Variants in KCNMB3 observed in about 807,000 individuals in gnomAD.
KCNMB3 encodes the protein calcium-activated potassium channel subunit beta-3.
KCNMB3 carries 18 observed loss-of-function variants against 11.9 expected under a neutral mutation model. The observed-to-expected ratio is 1.51, with a 90% CI of 1.04 to 2.23. KCNMB3 has a LOEUF of 2.23. KCNMB3 is among the 30% of genes most tolerant of loss of function. The pLI is 0.00. For missense variants in KCNMB3, 247 were observed against 329.4 expected (o/e 0.75, Z 1.94); for synonymous variants, 78 against 119.2 (o/e 0.65, Z 2.25).
upstream of KCNMB3, chr3:179,251,454 G>T: frequency 7.1e-7 from 1 of 1,406,916 alleles, no homozygotes; most frequent in South Asian, 1.7e-5. Context: ...AGTCCACTCA[G>T]AATTATGAAG....
At chr3:179,253,607 ACCAG>A (rs1297000545), upstream of KCNMB3, among the ~76,000 whole-genome samples, 1 of 152,122 alleles carries the variant, frequency 6.6e-6, no homozygotes, top group Non-Finnish European at 1.5e-5. Context: ...GGAGTTTGAG[ACCAG>A]CCTGACCAAC....
chr3:179,261,940 C>T (rs1379503500), intron 1 of KCNMB3, among the ~76,000 whole-genome samples: 2 of 152,090 alleles, frequency 1.3e-5, no homozygotes, highest in South Asian at 2.1e-4. Flanking sequence ...AAAAAGCAAA[C>T]ATGAATGTTA....
intron 1 of KCNMB3, 133 bp from the exon 2 acceptor site, chr3:179,244,826 G>T: frequency 1.3e-6 from 1 of 755,736 alleles, no homozygotes; most frequent in Non-Finnish European, 2.2e-6. Context: ...TTGAGGTGGT[G>T]CAGGATCCTT....
At chr3:179,261,208 C>A in intron 1 of KCNMB3, 1 of 1,364,944 alleles carries the variant, frequency 7.3e-7, no homozygotes, top group Non-Finnish European at 9.8e-7. Context: ...GGGCCTCCGC[C>A]AGCCTCTGCG....
intron 1 of KCNMB3, among the ~76,000 whole-genome samples, chr3:179,265,873 G>A (rs1268628012): frequency 6.6e-6 from 1 of 152,228 alleles, no homozygotes; most frequent in East Asian, 1.9e-4. Context: ...AAGGGGTGCA[G>A]GTCACTAGAG....
At chr3:179,240,230 T>A (rs1018355950), downstream of KCNMB3, 8 of 536,884 alleles carry the variant, frequency 1.5e-5, no homozygotes, top group Non-Finnish European at 2.6e-5. Context: ...TTTTCAGTAA[T>A]GACTAAGAAT....
At position 179,244,709 on chromosome 3, in the gene KCNMB3, A is replaced by C; in HGVS notation, c.249-16T>G. 6.2e-7 allele frequency: 1 copy of C among 1,607,830 alleles called. No homozygotes were observed. Among genetic ancestry groups the C allele is most frequent in the South Asian group, 1.1e-5 (1 of 90,848 alleles). On this transcript the variant is annotated splice_polypyrimidine_tract_variant and intron_variant, in intron 1 of 2. Transcript: ENST00000392685. ...TCTCTGAATGCTTCAATTTGAAAAA[A>C]AAAAAATGTTCTTCACTTATTAGAA...
chr3:179,241,942 A>T (rs1281588180), downstream of KCNMB3: 1 of 154,208 alleles, frequency 6.5e-6, no homozygotes, highest in African/African-American at 2.4e-5. Flanking sequence ...TTCCCACCAG[A>T]AAGTGCACAA....
intron 1 of KCNMB3, among the ~76,000 whole-genome samples, chr3:179,245,166 CCTCA>C (rs1339512736): frequency 1.3e-5 from 2 of 152,094 alleles, no homozygotes; most frequent in African/African-American, 4.8e-5. Flanking sequence ...CAAGATTCAC[CCTCA>C]CTCAGGAATC....
At chr3:179,241,759 T>G (rs1261531292), downstream of KCNMB3, 2 of 153,772 alleles carry the variant, frequency 1.3e-5, no homozygotes, top group South Asian at 2.0e-4. Context: ...AATTGTTGAC[T>G]ATCCATGTGG....
chr3:179,245,876 A>C (rs1025638895), intron 1 of KCNMB3, among the ~76,000 whole-genome samples: 1 of 152,240 alleles, frequency 6.6e-6, no homozygotes, highest in African/African-American at 2.4e-5. Context: ...GAAGGGACAG[A>C]CAAAATTCCT....
At chr3:179,264,541 T>C (rs1171720764) in intron 1 of KCNMB3, among the ~76,000 whole-genome samples, 1 of 152,188 alleles carries the variant, frequency 6.6e-6, no homozygotes, top group South Asian at 2.1e-4. Flanking sequence ...CCACCTTCTA[T>C]TCTCTTCACT....
chr3:179,246,971 A>C (rs1725663725), intron 1 of KCNMB3, among the ~76,000 whole-genome samples: 1 of 152,166 alleles, frequency 6.6e-6, no homozygotes, highest in African/African-American at 2.4e-5. Flanking sequence ...AAAATCCATC[A>C]TCTGATTGAG....
chr3:179,251,591 G>A (rs1725846454), upstream of KCNMB3: 15 of 1,283,594 alleles, frequency 1.2e-5, no homozygotes, highest in South Asian at 1.6e-4. Context: ...CTCCAGCAAA[G>A]GATGAGATAC....
chr3:179,239,995 C>T (rs3976507), downstream of KCNMB3: 289,950 of 1,537,222 alleles, frequency 0.19, 29,971 homozygotes, highest in African/African-American at 0.39. Flanking sequence ...TGTGACTGCA[C>T]TTACTGTTTA....
chr3:179,263,812 T>A (rs1287225305), intron 1 of KCNMB3, among the ~76,000 whole-genome samples: 1 of 134,896 alleles, frequency 7.4e-6, no homozygotes, highest in African/African-American at 2.8e-5. Flanking sequence ...TTTTTTTTTT[T>A]TTTTTTTTTT....
Position 179,251,013 on chromosome 3 carries a change from G to A in KCNMB3, c.-23C>T. 6.2e-7 allele frequency: 1 copy of A among 1,614,156 alleles called. No individual in the cohort carries two copies. The highest frequency in any genetic ancestry group is 8.5e-7 in the Non-Finnish European group (1 of 1,180,026). On this transcript the variant is annotated 5_prime_UTR_variant, in exon 1 of 3. Coordinates refer to ENST00000392685, the MANE Select transcript of KCNMB3 (RefSeq NM_171830.2). ...CATTTCCAATCCATGGGGACTGGAG[G>A]GATAATCTCATTTGCTGCCTACCTG...
intron 1 of KCNMB3, among the ~76,000 whole-genome samples, chr3:179,262,901 A>T (rs1217462722): frequency 6.6e-6 from 1 of 152,234 alleles, no homozygotes; most frequent in Non-Finnish European, 1.5e-5. Context: ...TGAGCTAGAT[A>T]CACAGTACCA....
intron 1 of KCNMB3, chr3:179,259,254 T>C: frequency 6.5e-7 from 1 of 1,534,644 alleles, no homozygotes; most frequent in South Asian, 1.3e-5. Flanking sequence ...GGGACTTTCA[T>C]TTTTGGGTAC....
Sources: allele counts gnomAD v4.1 joint callset (sites outside exome capture counted in the v4.1 genomes callset), GRCh38; gene constraint gnomAD v4.1.1; transcripts MANE v1.5; gene names NCBI Gene and HGNC (gene_info 2026-07-23, HGNC 2026-07-21).